The following GALK2 variants were observed in gnomAD, a reference collection of about 807,000 sequenced individuals.
GALK2 encodes the protein galactokinase 2.
Under a neutral mutation model 52.4 loss-of-function variants are expected in GALK2, and 36 were observed. The ratio of observed to expected loss-of-function variants is 0.69; its 90% CI spans 0.53 to 0.91. GALK2 has a LOEUF of 0.91. GALK2 is among the 40% of genes least tolerant of loss of function. GALK2 has a pLI of 0.00. For synonymous variants in GALK2, 176 were observed against 199.1 expected, an observed-to-expected ratio of 0.88 and a Z score of 0.98; for missense variants, 579 against 559.1, an observed-to-expected ratio of 1.04 and a Z score of -0.36.
At chr15:49,289,709 A>G (rs576268721) in intron 7 of GALK2, among the ~76,000 whole-genome samples, 10 of 152,274 alleles carry the variant, frequency 6.6e-5, no homozygotes, top group African/African-American at 2.4e-4. Context: ...CAATATCAGT[A>G]CACCTCATAT....
At chr15:49,160,021 C>A (rs1595842245) in intron 1 of GALK2, among the ~76,000 whole-genome samples, 1 of 152,072 alleles carries the variant, frequency 6.6e-6, no homozygotes, top group South Asian at 2.1e-4. Flanking sequence ...TGCTTGTAAA[C>A]CCAGCACTTT....
chr15:49,178,391 A>G lies in GALK2; in HGVS notation c.53+8016A>G, dbSNP rs548068092. ...TATATATATGTACATATATATATAT[A>G]TGTGAATTCAGGACTCTTAGAACCC... On this transcript the variant is annotated intron_variant, in intron 1 of 9. Transcript: ENST00000560031. 42 of 165,530 alleles carry G rather than the reference A, an allele frequency of 2.5e-4. 2 individuals are homozygous for G. The East Asian group carries it at 7.2e-3, about 28-fold the overall frequency. 10.3% of individuals were successfully genotyped at this position (165,530 alleles called of 1,614,324 possible). A position where few individuals can be genotyped will look rare whatever the true frequency, so the allele number is the denominator to read the frequency against.
At chr15:49,192,394 T>G (rs1211023807) in intron 1 of GALK2, among the ~76,000 whole-genome samples, 5 of 149,966 alleles carry the variant, frequency 3.3e-5, no homozygotes, top group African/African-American at 1.2e-4. Context: ...AAGTCAGAAT[T>G]TATTCAAACA....
chr15:49,251,136 G>C (rs535428485), intron 5 of GALK2, among the ~76,000 whole-genome samples: 2 of 152,210 alleles, frequency 1.3e-5, no homozygotes, highest in East Asian at 3.9e-4. Flanking sequence ...CAAGAAAAGA[G>C]AATTACAGGT....
intron 5 of GALK2, among the ~76,000 whole-genome samples, chr15:49,260,150 C>A (rs2092029590): frequency 6.6e-6 from 1 of 152,146 alleles, no homozygotes; most frequent in South Asian, 2.1e-4. Flanking sequence ...CCTGAGGAAT[C>A]GCCACACAGA....
intron 1 of GALK2, chr15:49,194,147 G>A (rs1391275717): frequency 6.6e-6 from 1 of 152,010 alleles, no homozygotes; most frequent in Non-Finnish European, 1.5e-5. Context: ...CCAATATGGT[G>A]AAACCCCATC....
chr15:49,299,744 TTTCTTTCTTTCTTTCTTTCTTTC>T (rs2034862017), intron 8 of GALK2, among the ~76,000 whole-genome samples: 1 of 91,012 alleles, frequency 1.1e-5, no homozygotes, highest in African/African-American at 3.8e-5. Flanking sequence ...CTTTTCTTTC[TTTCTTTCTTTCTTTCTTTCTTTC>T]TTTCTTTCTT....
At chr15:49,326,255 A>ATTTTTTTTTTTT (rs35381509) in intron 9 of GALK2, among the ~76,000 whole-genome samples, 1 of 100,700 alleles carries the variant, frequency 9.9e-6, no homozygotes, top group Non-Finnish European at 2.0e-5. Context: ...TATGACAACC[A>ATTTTTTTTTTTT]TTTTTTTTTT....
At chr15:49,365,935 G>A in intron 3 of GALK2, 1 of 957,566 alleles carries the variant, frequency 1.0e-6, no homozygotes, top group South Asian at 1.3e-5. Context: ...GCAGAAAATT[G>A]CTATCATAAC....
chr15:49,355,610 C>T (rs2043020031), intron 3 of GALK2, among the ~76,000 whole-genome samples: 1 of 152,154 alleles, frequency 6.6e-6, no homozygotes, highest in Non-Finnish European at 1.5e-5. Flanking sequence ...AAATCTACGT[C>T]TGACTGGTGT....
chr15:49,334,229 C>T (rs2039306690), downstream of GALK2: 3 of 982,292 alleles, frequency 3.1e-6, no homozygotes, highest in African/African-American at 1.7e-5. Context: ...TATCAAGCTC[C>T]TTGTCAATTC....
chr15:49,173,615 A>G (rs1388020018), intron 1 of GALK2, among the ~76,000 whole-genome samples: 1 of 152,134 alleles, frequency 6.6e-6, no homozygotes, highest in South Asian at 2.1e-4. Flanking sequence ...CATTGTTACT[A>G]TATTTTATAA....
intron 3 of GALK2, 57 bp downstream of exon 3, chr15:49,217,370 G>T (rs1173080281): frequency 1.3e-6 from 2 of 1,559,456 alleles, no homozygotes; most frequent in Non-Finnish European, 8.8e-7. Context: ...GTACCCAAAT[G>T]AACTCTTTAG....
chr15:49,292,267 A>C, intron 7 of GALK2, 60 bp from the exon 8 acceptor site: 2 of 1,456,256 alleles, frequency 1.4e-6, no homozygotes, highest in Non-Finnish European at 1.9e-6. Context: ...CTGGCTAATT[A>C]AAATAGTACA....
At position 49,227,527 on chromosome 15, in the gene GALK2, A is replaced by T. The variant is rs78598617; in HGVS notation, c.267-8324A>T. On this transcript the variant is annotated intron_variant, in intron 3 of 9. Transcript: ENST00000560031. ...TTCAATATATATGTGTTTTTTTCAG[A>T]TGAAAAGAGGTTTTATTTTTGTAGG... 8.2e-3 allele frequency among the ~76,000 whole-genome samples: 1,237 copies of T among 151,736 alleles called. 16 individuals are homozygous for T. Among genetic ancestry groups the T allele is most frequent in the African/African-American group, 0.029 (1,190 of 41,408 alleles).
At chr15:49,256,910 T>A (rs1180185095) in intron 5 of GALK2, among the ~76,000 whole-genome samples, 3 of 152,228 alleles carry the variant, frequency 2.0e-5, no homozygotes, top group Non-Finnish European at 2.9e-5. Flanking sequence ...TAAAAAAATG[T>A]AATCTCATTT....
At chr15:49,206,898 G>A (rs572295704) in intron 2 of GALK2, among the ~76,000 whole-genome samples, 3 of 152,230 alleles carry the variant, frequency 2.0e-5, no homozygotes, top group East Asian at 3.9e-4. Flanking sequence ...GTGAGAGTGG[G>A]CATCTTAGTC....
chr15:49,242,261 A>G (rs1454868064), intron 5 of GALK2, among the ~76,000 whole-genome samples: 1 of 152,208 alleles, frequency 6.6e-6, no homozygotes, highest in Non-Finnish European at 1.5e-5. Flanking sequence ...AGACTTTTAC[A>G]GAGATGTGGG....
In GALK2 at chr15:49,325,601, T is replaced by TAAG. The variant is rs1402241941; in HGVS notation, c.1170-2350_1170-2348dup. On this transcript the variant is annotated intron_variant, in intron 9 of 9. Transcript: ENST00000560031. ...CTGCAGACAGACCTTTCTGCCTTTA[T>TAAG]AAGTGTATACAGCTGCGCAGGCTGC... Among the ~76,000 whole-genome samples, 5 of 152,394 alleles carry TAAG rather than the reference T, an allele frequency of 3.3e-5. No homozygotes were observed. The South Asian group carries it at 6.2e-4, about 19-fold the overall frequency.
Sources: allele counts gnomAD v4.1 joint callset (sites outside exome capture counted in the v4.1 genomes callset), GRCh38; gene constraint gnomAD v4.1.1; transcripts MANE v1.5; gene names NCBI Gene and HGNC (gene_info 2026-07-23, HGNC 2026-07-21).